The following NFATC1 variants were observed in gnomAD, a reference collection of about 807,000 sequenced individuals.
NFATC1 encodes nuclear factor of activated T-cells, cytoplasmic 1.
In NFATC1, 22 loss-of-function variants were observed where a neutral mutation model predicts 76.0. The observed-to-expected ratio is 0.29, with a 90% confidence interval of 0.21 to 0.41. The LOEUF is 0.41. NFATC1 is among the 10% of genes least tolerant of loss of function. The probability of loss-of-function intolerance (pLI) is 1.00; values close to 1 mark genes in which losing one functional copy is unlikely to be tolerated. For missense variants in NFATC1, 1,357 were observed against 1,337.7 expected, an observed-to-expected ratio of 1.01 and a Z score of -0.23; for synonymous variants, 704 against 613.1, an observed-to-expected ratio of 1.15 and a Z score of -2.19.
intron 9 of NFATC1, among the ~76,000 whole-genome samples, chr18:79,513,435 TC>T (rs2090307559): frequency 6.6e-6 from 1 of 152,096 alleles, no homozygotes; most frequent in Non-Finnish European, 1.5e-5. Context: ...ACCCGCGTCA[TC>T]CCCCGAGGCT....
At chr18:79,426,418 C>G (rs149206166) in intron 2 of NFATC1, among the ~76,000 whole-genome samples, 1 of 152,196 alleles carries the variant, frequency 6.6e-6, no homozygotes, top group Non-Finnish European at 1.5e-5. Context: ...GGCCACTGTC[C>G]TCCATGCCAC....
intron 9 of NFATC1, among the ~76,000 whole-genome samples, chr18:79,494,326 C>CACGCCCCCCCATCGACCTGGTGT (rs2089800790): frequency 7.9e-6 from 1 of 126,432 alleles, no homozygotes. Flanking sequence ...GAACCTGGTA[C>CACGCCCCCCCATCGACCTGGTGT]GGCCGGGGGA....
At chr18:79,501,235 A>G (rs1019770096) in intron 9 of NFATC1, among the ~76,000 whole-genome samples, 7 of 152,238 alleles carry the variant, frequency 4.6e-5, no homozygotes, top group South Asian at 2.1e-4. Context: ...CCACGTGATC[A>G]TTTCAATAAA....
intron 9 of NFATC1, among the ~76,000 whole-genome samples, chr18:79,493,222 G>T (rs1035815767): frequency 1.3e-5 from 2 of 152,226 alleles, no homozygotes; most frequent in Non-Finnish European, 2.9e-5. Flanking sequence ...AGGAGGCTCC[G>T]CTGGGGGCGG....
At chr18:79,463,145 T>C (rs1227015460) in intron 7 of NFATC1, among the ~76,000 whole-genome samples, 1 of 152,260 alleles carries the variant, frequency 6.6e-6, no homozygotes, top group Admixed American at 6.5e-5. Context: ...GGTTCCTCCC[T>C]GGCCCTGGGT....
chr18:79,511,736 T>TC (rs938767810), intron 9 of NFATC1, among the ~76,000 whole-genome samples: 8 of 151,940 alleles, frequency 5.3e-5, no homozygotes, highest in Admixed American at 2.0e-4. Context: ...CTGCGTGGTT[T>TC]CGAGGCTCTC....
chr18:79,494,177 C>T (rs1047281208), intron 9 of NFATC1, among the ~76,000 whole-genome samples: 7 of 152,172 alleles, frequency 4.6e-5, no homozygotes, highest in Admixed American at 4.6e-4. Flanking sequence ...CCAGCGACCG[C>T]GAGGGACAGT....
rs12454462 is a variant in NFATC1 at position 79,520,022 on chromosome 18, C to T, written c.2783-7506C>T. 4.3e-3 allele frequency among the ~76,000 whole-genome samples: 662 copies of T among 152,268 alleles called. 24 individuals carry two copies. Among genetic ancestry groups the T allele is most frequent in the Admixed American group, 0.039 (595 of 15,304 alleles). On this transcript the variant is annotated intron_variant, in intron 9 of 9. Transcript: ENST00000427363. ...CAAGAAACCGGCTGCCCCCAGGAAG[C>T]GGGGATGGAGGGCACACACCAGGAG...
chr18:79,527,311 G>A, intron 9 of NFATC1: 1 of 544,228 alleles, frequency 1.8e-6, no homozygotes, highest in Non-Finnish European at 3.3e-6. Flanking sequence ...CTACGGACGA[G>A]GGCGGTCACT....
chr18:79,459,040 A>G (rs1346140228), intron 6 of NFATC1, among the ~76,000 whole-genome samples: 1 of 152,124 alleles, frequency 6.6e-6, no homozygotes, highest in Non-Finnish European at 1.5e-5. Context: ...GAGAGGCCCC[A>G]CCTCCAAGAG....
intron 9 of NFATC1, among the ~76,000 whole-genome samples, chr18:79,504,773 G>A (rs1368274496): frequency 3.9e-5 from 6 of 151,924 alleles, no homozygotes; most frequent in African/African-American, 1.2e-4. Context: ...AGACTGCTGC[G>A]TGGGAGGAGG....
At chr18:79,411,608 C>T (rs1456927433) in intron 2 of NFATC1, 107 bp downstream of exon 2, 5 of 936,526 alleles carry the variant, frequency 5.3e-6, no homozygotes, top group East Asian at 1.1e-4. Flanking sequence ...TGTCTGGGGA[C>T]GAGAGTCAGG....
Position 79,516,583 on chromosome 18 carries a change from T to TC in NFATC1, c.2783-10945_2783-10944insC, listed in dbSNP as rs1378968875. On this transcript the variant is annotated intron_variant, in intron 9 of 9. Coordinates refer to ENST00000427363, the MANE Select transcript of NFATC1 (RefSeq NM_001278669.2). ...CCCAGCAGTGTCGGACAGTTTAGGGTGGACCGAGGAGGCCGTGGTGGAGGC... is the reference window on the plus strand; with the variant it reads ...CCCAGCAGTGTCGGACAGTTTAGGGTCGGACCGAGGAGGCCGTGGTGGAGGC... Among the ~76,000 whole-genome samples, 8 of 152,264 alleles carry TC rather than the reference T, an allele frequency of 5.3e-5. No homozygotes were observed. The East Asian group carries it at 1.3e-3, about 26-fold the overall frequency.
chr18:79,423,653 C>T (rs2086178955), intron 2 of NFATC1, among the ~76,000 whole-genome samples: 1 of 152,168 alleles, frequency 6.6e-6, no homozygotes, highest in Non-Finnish European at 1.5e-5. Flanking sequence ...AGGGGCTGCC[C>T]CTGCATCCTG....
chr18:79,486,158 G>C (rs976956489), intron 8 of NFATC1, 90 bp from the exon 9 acceptor site: 3 of 1,186,594 alleles, frequency 2.5e-6, no homozygotes, highest in Non-Finnish European at 3.6e-6. Context: ...GGGCCCTGTT[G>C]GTTTTGCGGA....
intron 9 of NFATC1, among the ~76,000 whole-genome samples, chr18:79,513,513 C>T (rs2090309178): frequency 6.6e-6 from 1 of 152,262 alleles, no homozygotes; most frequent in African/African-American, 2.4e-5. Context: ...TACAAAAGCA[C>T]CTCTTAAAGA....
intron 3 of NFATC1, among the ~76,000 whole-genome samples, chr18:79,443,205 G>T (rs568814449): frequency 6.6e-6 from 1 of 152,194 alleles, no homozygotes; most frequent in Admixed American, 6.5e-5. Context: ...CTGTGTTCAC[G>T]GGAAGGATTC....
At chr18:79,412,443 T>G (rs1238002484) in intron 2 of NFATC1, among the ~76,000 whole-genome samples, 1 of 151,314 alleles carries the variant, frequency 6.6e-6, no homozygotes, top group Non-Finnish European at 1.5e-5. Flanking sequence ...TTGTTTTTTT[T>G]TTTTTTTCGT....
At chr18:79,467,919 C>A in intron 8 of NFATC1, 1 of 1,109,538 alleles carries the variant, frequency 9.0e-7, no homozygotes, top group Non-Finnish European at 1.1e-6. Context: ...CATTTGCACC[C>A]TAAAGCTGCT....
Sources: allele counts gnomAD v4.1 joint callset (sites outside exome capture counted in the v4.1 genomes callset), GRCh38; gene constraint gnomAD v4.1.1; transcripts MANE v1.5; gene names NCBI Gene and HGNC (gene_info 2026-07-23, HGNC 2026-07-21).